GNAI1: variants seen among roughly 807,000 people sequenced by gnomAD.
The protein encoded by GNAI1 is guanine nucleotide-binding protein G(i) subunit alpha-1.
GNAI1 carries 11 observed loss-of-function variants against 38.9 expected under a neutral mutation model. That is an observed-to-expected ratio of 0.28 (90% CI 0.18 to 0.47). The LOEUF is 0.47. GNAI1 is among the 20% of genes least tolerant of loss of function. The pLI is 0.99. For missense variants in GNAI1, 317 were observed against 436.9 expected, an observed-to-expected ratio of 0.73 and a Z score of 2.45; for synonymous variants, 166 against 145.1, an observed-to-expected ratio of 1.14 and a Z score of -1.04.
In GNAI1 at chr7:80,192,014, CCT is replaced by C. The variant is rs370097711; in HGVS notation, c.303+2786_303+2787del. Among the ~76,000 whole-genome samples, 300 of 152,180 alleles carry C rather than the reference CCT, an allele frequency of 2.0e-3. 1 individual carries two copies. Among genetic ancestry groups the C allele is most frequent in the African/African-American group, 6.7e-3 (277 of 41,542 alleles). On this transcript the variant is annotated intron_variant, in intron 3 of 7. Transcript: ENST00000649796. Reference sequence around the variant, plus strand: ...TTCATTTATATTTCTTCTGTGAACTCCTCTTAGTTTTCACTCATTTCTGTTCA... The same window carrying C: ...TTCATTTATATTTCTTCTGTGAACTCCTTAGTTTTCACTCATTTCTGTTCA...
chr7:80,184,937 G>A (rs1382265311), intron 1 of GNAI1, among the ~76,000 whole-genome samples: 1 of 152,076 alleles, frequency 6.6e-6, no homozygotes, highest in Non-Finnish European at 1.5e-5. Context: ...TTCCTGTGCC[G>A]GCCACTTAGT....
intron 1 of GNAI1, among the ~76,000 whole-genome samples, chr7:80,167,283 G>A (rs1249924361): frequency 2.0e-5 from 3 of 152,220 alleles, no homozygotes; most frequent in East Asian, 3.9e-4. Flanking sequence ...TATGTGGAAT[G>A]TAGACATTTG....
At chr7:80,165,592 A>G (rs1787999309) in intron 1 of GNAI1, among the ~76,000 whole-genome samples, 1 of 152,202 alleles carries the variant, frequency 6.6e-6, no homozygotes, top group African/African-American at 2.4e-5. Flanking sequence ...GTTTACCTTC[A>G]GAGTTTTGGC....
At chr7:80,211,920 A>G (rs543712143) in intron 6 of GNAI1, among the ~76,000 whole-genome samples, 1 of 152,166 alleles carries the variant, frequency 6.6e-6, no homozygotes, top group South Asian at 2.1e-4. Flanking sequence ...TTTAAGCTGC[A>G]TGGGTCCACA....
chr7:80,162,269 T>G (rs2116131944), intron 1 of GNAI1, among the ~76,000 whole-genome samples: 1 of 152,248 alleles, frequency 6.6e-6, no homozygotes, highest in Non-Finnish European at 1.5e-5. Flanking sequence ...AAGTGCTTGT[T>G]GTTTAGGCCA....
chr7:80,173,276 T>A (rs1225608726), intron 1 of GNAI1, among the ~76,000 whole-genome samples: 1 of 152,224 alleles, frequency 6.6e-6, no homozygotes, highest in Non-Finnish European at 1.5e-5. Flanking sequence ...TTTTATATCT[T>A]GTCTAAATAT....
chr7:80,146,446 G>T (rs908771063), intron 1 of GNAI1, among the ~76,000 whole-genome samples: 2 of 152,128 alleles, frequency 1.3e-5, no homozygotes, highest in Non-Finnish European at 2.9e-5. Context: ...TCTCTATTGT[G>T]TCTGGCTCTG....
chr7:80,135,459 T>G, intron 1 of GNAI1, 181 bp downstream of exon 1: 1 of 416,692 alleles, frequency 2.4e-6, no homozygotes, highest in Non-Finnish European at 4.2e-6. Context: ...GTCTGGTCTC[T>G]CTCCGCCCCG....
chr7:80,216,296 C>T (rs1041899023), intron 7 of GNAI1, among the ~76,000 whole-genome samples: 4 of 151,052 alleles, frequency 2.6e-5, no homozygotes, highest in Non-Finnish European at 4.4e-5. Context: ...ATCATGCTTC[C>T]TCTCAGTCTT....
chr7:80,163,395 T>A (rs540186160), intron 1 of GNAI1, among the ~76,000 whole-genome samples: 1 of 152,326 alleles, frequency 6.6e-6, no homozygotes, highest in South Asian at 2.1e-4. Context: ...CTACATGTCC[T>A]CTTAATAAGA....
In GNAI1 at chr7:80,223,549, T is replaced by C. The variant is rs1789114573; in HGVS notation, c.*6056T>C. Among the ~76,000 whole-genome samples, 1 of 152,218 alleles carries C rather than the reference T, an allele frequency of 6.6e-6. No individual in the cohort carries two copies. Among genetic ancestry groups the C allele is most frequent in the South Asian group, 2.1e-4 (1 of 4,828 alleles). On this transcript the variant is annotated 3_prime_UTR_variant, in exon 8 of 8. Transcript: ENST00000649796. Reference sequence around the variant, plus strand: ...AAGAGTAAAGTTAAGTCAAAGCTACTTCTAAACAGCTCTATCTTTAATTTC... The same window carrying C: ...AAGAGTAAAGTTAAGTCAAAGCTACCTCTAAACAGCTCTATCTTTAATTTC...
chr7:80,213,150 A>G (rs776337875), intron 7 of GNAI1, among the ~76,000 whole-genome samples: 19 of 152,356 alleles, frequency 1.2e-4, no homozygotes, highest in Non-Finnish European at 2.6e-4. Flanking sequence ...AACAGATTTC[A>G]TATCAGGTAC....
At chr7:80,140,184 C>G (rs1229223300) in intron 1 of GNAI1, among the ~76,000 whole-genome samples, 1 of 152,024 alleles carries the variant, frequency 6.6e-6, no homozygotes. Context: ...CGGGGTTTCA[C>G]CGTGTTAGCC....
intron 1 of GNAI1, among the ~76,000 whole-genome samples, chr7:80,161,770 T>A (rs920682383): frequency 6.6e-6 from 1 of 152,304 alleles, no homozygotes; most frequent in Middle Eastern, 3.4e-3. Context: ...AGATTTTTTT[T>A]AGCATCCCTT....
intron 1 of GNAI1, among the ~76,000 whole-genome samples, chr7:80,151,129 C>A (rs192890761): frequency 3.7e-4 from 57 of 152,304 alleles, no homozygotes; most frequent in African/African-American, 1.3e-3. Context: ...AGAACTTCCC[C>A]TGCTTTCCCA....
intron 1 of GNAI1, among the ~76,000 whole-genome samples, chr7:80,149,068 T>G (rs1317663272): frequency 6.6e-6 from 1 of 152,148 alleles, no homozygotes; most frequent in African/African-American, 2.4e-5. Context: ...ACAGCTATAC[T>G]GTGGACATTT....
intron 1 of GNAI1, among the ~76,000 whole-genome samples, chr7:80,168,463 C>A (rs1298202802): frequency 6.6e-6 from 1 of 152,186 alleles, no homozygotes; most frequent in Non-Finnish European, 1.5e-5. Flanking sequence ...TCTCGGCTCA[C>A]TGCAAGCTCC....
At chr7:80,152,955 C>A (rs1203689081) in intron 1 of GNAI1, among the ~76,000 whole-genome samples, 6 of 151,864 alleles carry the variant, frequency 4.0e-5, no homozygotes, top group Non-Finnish European at 8.8e-5. Flanking sequence ...AAAAAAAAAC[C>A]TGAGGCAATT....
In GNAI1 at chr7:80,220,662, T is replaced by C. The variant is rs1789057230; in HGVS notation, c.*3169T>C. On this transcript the variant is annotated 3_prime_UTR_variant, in exon 8 of 8. Transcript: ENST00000649796. The stretch of plus-strand genomic sequence containing the variant: ...CTAATCTAGTTTAATCGAATTCAGT[T>C]TGTTACTGAAAAAGTACTGATTAAA... Among the ~76,000 whole-genome samples, 1 of 152,182 alleles carries C rather than the reference T, an allele frequency of 6.6e-6. No homozygotes were observed. Among genetic ancestry groups the C allele is most frequent in the Non-Finnish European group, 1.5e-5 (1 of 68,036 alleles).
Sources: allele counts gnomAD v4.1 joint callset (sites outside exome capture counted in the v4.1 genomes callset), GRCh38; gene constraint gnomAD v4.1.1; transcripts MANE v1.5; gene names NCBI Gene and HGNC (gene_info 2026-07-23, HGNC 2026-07-21).